SGK3: variants seen among roughly 807,000 people sequenced by gnomAD.
SGK3 encodes the protein serine/threonine-protein kinase Sgk3.
A neutral mutation model predicts 68.5 loss-of-function variants in SGK3; 47 were observed. That is an observed-to-expected ratio of 0.69 (90% confidence interval 0.54 to 0.87). The LOEUF is 0.87. Ranked by LOEUF, SGK3 falls within the 40% of genes least tolerant of loss-of-function variation. The pLI, the probability that SGK3 is intolerant of heterozygous loss-of-function variation, is 0.00. For synonymous variants in SGK3, 181 were observed against 189.1 expected (o/e 0.96, Z 0.35); for missense variants, 479 against 575.5 (o/e 0.83, Z 1.72).
intron 1 of SGK3, among the ~76,000 whole-genome samples, chr8:66,734,228 C>CTTTTTTTTT (rs529741200): frequency 2.6e-3 from 269 of 104,064 alleles, no homozygotes; most frequent in Non-Finnish European, 3.3e-3. Flanking sequence ...CTTTTTCTTT[C>CTTTTTTTTT]TTTTTTTTTT....
intron 1 of SGK3, among the ~76,000 whole-genome samples, chr8:66,756,984 A>C (rs1805997149): frequency 6.6e-6 from 1 of 152,030 alleles, no homozygotes; most frequent in African/African-American, 2.4e-5. Context: ...TCACGTATAG[A>C]TCTGCTTCTA....
At chr8:66,760,383 G>A (rs1483606516) in intron 1 of SGK3, among the ~76,000 whole-genome samples, 1 of 138,272 alleles carries the variant, frequency 7.2e-6, no homozygotes, top group African/African-American at 2.7e-5. Flanking sequence ...CACCCAGGCT[G>A]GAGTACAGTG....
intron 1 of SGK3, among the ~76,000 whole-genome samples, chr8:66,723,652 C>T (rs1264242611): frequency 6.6e-6 from 1 of 152,036 alleles, no homozygotes; most frequent in East Asian, 1.9e-4. Flanking sequence ...ACCATGTTGC[C>T]CAGGCTGCTC....
chr8:66,836,145 A>C, intron 10 of SGK3, 71 bp downstream of exon 10: 2 of 1,536,912 alleles, frequency 1.3e-6, no homozygotes, highest in Non-Finnish European at 1.7e-6. Flanking sequence ...TTTTTCTTGT[A>C]AGTTTTAGAA....
intron 10 of SGK3, among the ~76,000 whole-genome samples, chr8:66,839,498 G>GATATATAT (rs58832541): frequency 6.7e-4 from 28 of 41,548 alleles, no homozygotes; most frequent in East Asian, 9.1e-4. Flanking sequence ...TATGTATGGA[G>GATATATAT]ATATATATAT....
chr8:66,791,434 G>C (rs1481248706), intron 1 of SGK3, among the ~76,000 whole-genome samples: 1 of 152,188 alleles, frequency 6.6e-6, no homozygotes, highest in Non-Finnish European at 1.5e-5. Context: ...TCAGGTTTGA[G>C]TGTGCTTCTT....
intron 1 of SGK3, among the ~76,000 whole-genome samples, chr8:66,750,680 T>C (rs1399779605): frequency 2.0e-5 from 3 of 149,870 alleles, no homozygotes; most frequent in African/African-American, 7.4e-5. Context: ...CAGAGTGAGA[T>C]TCCATCTCAA....
At chr8:66,720,032 G>C (rs1253593589) in intron 1 of SGK3, among the ~76,000 whole-genome samples, 1 of 152,206 alleles carries the variant, frequency 6.6e-6, no homozygotes, top group Non-Finnish European at 1.5e-5. Flanking sequence ...CTTTGAACCA[G>C]TTATTTTACT....
intron 1 of SGK3, among the ~76,000 whole-genome samples, chr8:66,750,816 A>G (rs2130430511): frequency 6.6e-6 from 1 of 151,070 alleles, no homozygotes; most frequent in East Asian, 2.0e-4. Flanking sequence ...ACCAACCTGG[A>G]CAACATGGCA....
At chr8:66,827,583 A>G (rs573199707) in intron 6 of SGK3, among the ~76,000 whole-genome samples, 1 of 152,228 alleles carries the variant, frequency 6.6e-6, no homozygotes, top group South Asian at 2.1e-4. Flanking sequence ...GTGAAGCAGA[A>G]TTTACTGACA....
intron 1 of SGK3, among the ~76,000 whole-genome samples, chr8:66,740,084 C>A (rs1805436170): frequency 6.6e-6 from 1 of 152,158 alleles, no homozygotes; most frequent in African/African-American, 2.4e-5. Context: ...TTGGCAGGGA[C>A]AAACCTCATA....
intron 1 of SGK3, among the ~76,000 whole-genome samples, chr8:66,760,017 A>G (rs1363728074): frequency 1.3e-5 from 2 of 152,116 alleles, no homozygotes; most frequent in East Asian, 1.9e-4. Flanking sequence ...TTTTGAGTGG[A>G]TTTTTGATGC....
At chr8:66,730,983 G>A (rs1404031217) in intron 1 of SGK3, among the ~76,000 whole-genome samples, 1 of 152,106 alleles carries the variant, frequency 6.6e-6, no homozygotes, top group South Asian at 2.1e-4. Context: ...CACCACACCT[G>A]GCCAAAAGTA....
chr8:66,839,539 A>ATATATATATATG (rs1809700617), intron 10 of SGK3, among the ~76,000 whole-genome samples: 15 of 69,814 alleles, frequency 2.1e-4, no homozygotes, highest in Admixed American at 5.6e-4. Context: ...ATATATATAT[A>ATATATATATATG]TATATATATA....
At chr8:66,840,557 T>A (rs777027178) in intron 12 of SGK3, 1 of 283,892 alleles carries the variant, frequency 3.5e-6, no homozygotes, top group African/African-American at 2.2e-5. Flanking sequence ...CTGAACAAGG[T>A]TGACAGTCTG....
chr8:66,767,812 C>T (rs1171242642), intron 1 of SGK3: 12 of 1,545,056 alleles, frequency 7.8e-6, no homozygotes, highest in African/African-American at 5.5e-5. Flanking sequence ...GTTGACAGTT[C>T]CCAAAGCCTT....
At chr8:66,828,255 CTG>C (rs1260911112) in intron 6 of SGK3, among the ~76,000 whole-genome samples, 3 of 152,204 alleles carry the variant, frequency 2.0e-5, no homozygotes, top group African/African-American at 7.2e-5. Context: ...CCTATCATTT[CTG>C]TCTTTGATAA....
intron 7 of SGK3, among the ~76,000 whole-genome samples, chr8:66,830,299 C>G (rs972606382): frequency 2.6e-5 from 4 of 152,150 alleles, no homozygotes; most frequent in African/African-American, 9.7e-5. Context: ...TATTTCAGTA[C>G]CTCTGCATAT....
chr8:66,744,667 G>A (rs922572276), intron 1 of SGK3, among the ~76,000 whole-genome samples: 2 of 150,296 alleles, frequency 1.3e-5, no homozygotes, highest in Admixed American at 6.7e-5. Flanking sequence ...CACTATGCCT[G>A]ACTAATTTTT....
Sources: gnomAD v4.1 joint callset for allele counts (sites outside exome capture counted in the v4.1 genomes callset) on GRCh38, gnomAD v4.1.1 for gene constraint, MANE v1.5 for transcripts, NCBI Gene and HGNC (gene_info 2026-07-23, HGNC 2026-07-21) for gene names.